The following TIAM2 variants were observed in gnomAD, a reference collection of about 807,000 sequenced individuals.
TIAM2 encodes the protein TIAM Rac1 associated GEF 2.
Under a neutral mutation model 152.9 loss-of-function variants are expected in TIAM2, and 80 were observed. The ratio of observed to expected loss-of-function variants is 0.52; its 90% confidence interval spans 0.44 to 0.63. The LOEUF is 0.63. Ranked by LOEUF, TIAM2 falls within the 30% of genes least tolerant of loss-of-function variation. TIAM2 has a pLI of 0.00. For synonymous variants in TIAM2, 804 were observed against 838.0 expected, an observed-to-expected ratio of 0.96 and a Z score of 0.70; for missense variants, 1,965 against 2,120.1, an observed-to-expected ratio of 0.93 and a Z score of 1.44.
At chr6:155,200,185 T>A (rs1781444131) in intron 14 of TIAM2, among the ~76,000 whole-genome samples, 1 of 152,232 alleles carries the variant, frequency 6.6e-6, no homozygotes, top group Non-Finnish European at 1.5e-5. Flanking sequence ...TCTGGATTCT[T>A]ATCTGAGGGT....
At chr6:155,185,080 G>A (rs1006181442) in intron 14 of TIAM2, among the ~76,000 whole-genome samples, 1 of 151,362 alleles carries the variant, frequency 6.6e-6, no homozygotes, top group African/African-American at 2.4e-5. Flanking sequence ...TGGTACTTGC[G>A]GGAATGAATT....
chr6:155,144,632 T>G lies in TIAM2; in HGVS notation c.1657T>G (p.Tyr553Asp). ...ATGCACGCTGCTGTTTTATGAGACC[T>G]ATGGGAAGAATTCCATGGATCAGAG... ...KGCTLLFYET[Y>D]GKNSMDQSSA... is the part of the protein sequence containing the mutation. Residue 553 changes from tyrosine to aspartate, a missense_variant, in exon 6 of 27, where the codon TAT becomes GAT. Physicochemically the swap from Tyr to Asp is radical, Grantham distance 160. Coordinates refer to ENST00000682666, the MANE Select transcript of TIAM2 (RefSeq NM_012454.4). 6.4e-7 allele frequency: 1 copy of G among 1,560,898 alleles called. No individual in the cohort carries two copies. Among genetic ancestry groups the G allele is most frequent in the Non-Finnish European group, 8.6e-7 (1 of 1,160,478 alleles).
At chr6:155,094,715 ATATC>A (rs1778378084) in intron 2 of TIAM2, among the ~76,000 whole-genome samples, 1 of 147,344 alleles carries the variant, frequency 6.8e-6, no homozygotes, top group African/African-American at 2.5e-5. Context: ...ATACCTGGCT[ATATC>A]TATGGTTTTT....
chr6:155,129,424 C>T lies in TIAM2; in HGVS notation c.201C>T (p.His67=). ...CCCTGGCCCGAAGCTGCCTTTCTCA[C>T]TTTAAGAGTAACCAGCCTTACGCAT... The part of the protein sequence containing the change: ...SRSLARSCLS[H]FKSNQPYASR... Residue 67 remains histidine (H), a synonymous_variant, in exon 4 of 27, where the codon CAC becomes CAT. Transcript: ENST00000682666. This position sits in a 1 kb window ranked among gnomAD's most constrained non-coding sequence, Gnocchi z 4.8. 3 of 1,614,142 alleles carry T rather than the reference C, an allele frequency of 1.9e-6. No homozygotes were observed. In the South Asian group the frequency reaches 3.3e-5, roughly 18 times the overall value.
chr6:155,037,135 T>A (rs1489451636), intron 1 of TIAM2, among the ~76,000 whole-genome samples: 1 of 152,228 alleles, frequency 6.6e-6, no homozygotes, highest in African/African-American at 2.4e-5. Context: ...GCGTTAGCTC[T>A]GATTCCGTTC....
At chr6:155,078,066 CT>C (rs113275068) in intron 1 of TIAM2, among the ~76,000 whole-genome samples, 25 of 149,414 alleles carry the variant, frequency 1.7e-4, no homozygotes, top group East Asian at 5.8e-4. Context: ...TCCAACTTGA[CT>C]TTTTTTTTTG....
Position 155,129,144 on chromosome 6 carries a change from CT to C in TIAM2, c.-6-69del. 1 of 1,407,514 alleles carries C rather than the reference CT, an allele frequency of 7.1e-7. No homozygotes were observed. The allele number at this position is 1,407,514 out of a possible 1,614,324, so 87.2% of individuals were successfully genotyped here. ...GTTGCTGTGTAATATGCAGGGCATT[CT>C]TTTTAGAAAGTTCTGTCATAATGGA... On this transcript the variant is annotated intron_variant, in intron 3 of 26. Transcript: ENST00000682666. This position sits in a 1 kb window ranked among gnomAD's most constrained non-coding sequence, Gnocchi z 4.8.
intron 7 of TIAM2, among the ~76,000 whole-genome samples, chr6:155,162,921 T>C (rs1780310422): frequency 6.6e-6 from 1 of 152,232 alleles, no homozygotes; most frequent in South Asian, 2.1e-4. Context: ...ATTCTTTGTT[T>C]AGATCTTGTG....
chr6:154,997,896 C>T (rs2114831471), intron 1 of TIAM2, among the ~76,000 whole-genome samples: 1 of 152,140 alleles, frequency 6.6e-6, no homozygotes, highest in African/African-American at 2.4e-5. Context: ...CCTCAGCCTC[C>T]CAAAGTGCTG....
intron 1 of TIAM2, among the ~76,000 whole-genome samples, chr6:155,056,704 A>G (rs950134746): frequency 2.0e-5 from 3 of 152,154 alleles, no homozygotes; most frequent in East Asian, 1.9e-4. Flanking sequence ...GAGTTTCTGT[A>G]TGATCCATAT....
At chr6:155,092,363 G>A (rs1778325276) in intron 2 of TIAM2, among the ~76,000 whole-genome samples, 1 of 152,112 alleles carries the variant, frequency 6.6e-6, no homozygotes, top group African/African-American at 2.4e-5. Flanking sequence ...CTCCCAAAGT[G>A]CTGGGATTAC....
chr6:155,030,470 C>T (rs1386798265), intron 1 of TIAM2, among the ~76,000 whole-genome samples: 1 of 152,072 alleles, frequency 6.6e-6, no homozygotes, highest in Non-Finnish European at 1.5e-5. Flanking sequence ...GGGATTTGAC[C>T]TCGTCTGGTT....
At chr6:155,060,743 A>G (rs974967848) in intron 1 of TIAM2, among the ~76,000 whole-genome samples, 2 of 152,072 alleles carry the variant, frequency 1.3e-5, no homozygotes, top group Admixed American at 1.3e-4. Context: ...TAAAAATACA[A>G]AATTAGCTGG....
At chr6:155,112,581 T>G (rs866599759) in intron 2 of TIAM2, among the ~76,000 whole-genome samples, 2 of 152,272 alleles carry the variant, frequency 1.3e-5, no homozygotes, top group East Asian at 3.9e-4. Context: ...CCATCCAGTT[T>G]GTGTTTTAAA....
Position 155,251,925 on chromosome 6 carries a change from TTCTC to T in TIAM2, c.4061-18_4061-15del. The T allele has an allele frequency of 6.3e-7, 1 of 1,583,860 alleles. No individual in the cohort carries two copies. The highest frequency in any genetic ancestry group is 1.1e-5 in the South Asian group (1 of 88,570). ...AGTTTGCATAAAATAAAGACTTTCT[TTCTC>T]TTTTCCTTTCTTTAGTTTTTAAGAG... On this transcript the variant is annotated splice_polypyrimidine_tract_variant and intron_variant, in intron 22 of 26. Coordinates refer to ENST00000682666, the MANE Select transcript of TIAM2 (RefSeq NM_012454.4).
At chr6:155,202,965 A>C (rs1781510063) in intron 14 of TIAM2, among the ~76,000 whole-genome samples, 1 of 147,282 alleles carries the variant, frequency 6.8e-6, no homozygotes, top group African/African-American at 2.6e-5. Flanking sequence ...AGGCACGAGA[A>C]TTACACCTGG....
At chr6:155,027,381 CTG>C (rs1417689820) in intron 1 of TIAM2, among the ~76,000 whole-genome samples, 8 of 133,432 alleles carry the variant, frequency 6.0e-5, no homozygotes, top group Admixed American at 1.6e-4. Context: ...AATATATATA[CTG>C]TGTTACATAT....
intron 15 of TIAM2, among the ~76,000 whole-genome samples, chr6:155,228,645 G>GA (rs1782329316): frequency 6.6e-6 from 1 of 152,312 alleles, no homozygotes; most frequent in South Asian, 2.1e-4. Context: ...AATTTTATGT[G>GA]AAAGAGGTGG....
At chr6:155,201,126 T>G (rs1020615596) in intron 14 of TIAM2, among the ~76,000 whole-genome samples, 3 of 152,200 alleles carry the variant, frequency 2.0e-5, no homozygotes, top group Non-Finnish European at 4.4e-5. Flanking sequence ...TCATCCATGT[T>G]GTAGTATGAA....
Sources: allele counts gnomAD v4.1 joint callset (sites outside exome capture counted in the v4.1 genomes callset), GRCh38; gene constraint gnomAD v4.1.1; non-coding constraint Gnocchi (gnomAD v3.1); transcripts MANE v1.5; gene names NCBI Gene and HGNC (gene_info 2026-07-23, HGNC 2026-07-21).